SP100: variants seen among roughly 807,000 people sequenced by gnomAD.
SP100 encodes SP100 nuclear body protein.
Under a neutral mutation model 130.0 loss-of-function variants are expected in SP100, and 84 were observed. That is an observed-to-expected ratio of 0.65 (90% CI 0.54 to 0.77). The LOEUF (loss-of-function observed/expected upper bound fraction) is 0.77, where lower values mean the gene tolerates loss of function less well. SP100 is among the 30% of genes least tolerant of loss of function. The pLI is 0.00. For missense variants in SP100, 978 were observed against 1,052.2 expected (o/e 0.93, Z 0.97); for synonymous variants, 331 against 351.7 (o/e 0.94, Z 0.66).
intron 2 of SP100, among the ~76,000 whole-genome samples, chr2:230,439,550 TTTGTTG>T (rs147214851): frequency 1.1e-4 from 17 of 151,444 alleles, no homozygotes; most frequent in African/African-American, 2.9e-4. Flanking sequence ...TTTTTGGATT[TTTGTTG>T]TTGTTGTTGT....
At chr2:230,464,217 T>C (rs2064817636) in intron 11 of SP100, 67 bp downstream of exon 11, 3 of 982,170 alleles carry the variant, frequency 3.1e-6, no homozygotes, top group Middle Eastern at 2.1e-4. Flanking sequence ...AGCTCTGTTT[T>C]CTTGATTAAT....
At chr2:230,467,249 C>A in intron 13 of SP100, 34 bp downstream of exon 13, 6 of 1,424,638 alleles carry the variant, frequency 4.2e-6, no homozygotes, top group Non-Finnish European at 5.0e-6. Flanking sequence ...AGGGCTCTGA[C>A]TTCAGAGCAC....
In SP100 at chr2:230,444,355, A is replaced by G. The variant is rs576016792; in HGVS notation, c.439+9A>G. 4.8e-5 allele frequency: 77 copies of G among 1,605,862 alleles called. 2 individuals are homozygous for G. The South Asian group carries it at 8.4e-4, about 18-fold the overall frequency. On this transcript the variant is annotated intron_variant, in intron 4 of 28. Transcript: ENST00000340126. ...TAAAGGCTTTGAAAATGGTAATTAG[A>G]TTTATTATCTACCTTTTTATTTCCA... is the stretch of plus-strand genomic sequence containing the variant.
intron 24 of SP100, chr2:230,537,777 T>C (rs996940384): frequency 6.6e-6 from 1 of 152,246 alleles, no homozygotes; most frequent in African/African-American, 2.4e-5. Flanking sequence ...AAAGCTCCTC[T>C]GGTGTTTTGT....
At chr2:230,434,054 T>TAAGC (rs1254058591) in intron 2 of SP100, among the ~76,000 whole-genome samples, 2 of 151,762 alleles carry the variant, frequency 1.3e-5, no homozygotes, top group African/African-American at 2.4e-5. Context: ...AACTGTCCAC[T>TAAGC]AAGCCAGTGT....
intron 8 of SP100, among the ~76,000 whole-genome samples, chr2:230,451,636 C>G (rs760054046): frequency 4.6e-5 from 7 of 152,162 alleles, no homozygotes; most frequent in Non-Finnish European, 1.0e-4. Context: ...TATGCAGAAG[C>G]TTTTTAGTTT....
intron 15 of SP100, 106 bp downstream of exon 15, chr2:230,470,204 G>A (rs2065197467): frequency 7.0e-7 from 1 of 1,428,628 alleles, no homozygotes; most frequent in African/African-American, 1.5e-5. Context: ...TCACTACCTT[G>A]TATCCAGTTC....
At chr2:230,500,006 G>T (rs1442141935) in intron 19 of SP100, among the ~76,000 whole-genome samples, 1 of 152,104 alleles carries the variant, frequency 6.6e-6, no homozygotes, top group Non-Finnish European at 1.5e-5. Flanking sequence ...CTTGCCTTAG[G>T]ATATAGGAGT....
chr2:230,449,806 T>TTG, intron 7 of SP100, 96 bp downstream of exon 7: 2 of 1,281,416 alleles, frequency 1.6e-6, no homozygotes, highest in Non-Finnish European at 2.2e-6. Flanking sequence ...GAGACACCTG[T>TTG]TTAACAAGCA....
At chr2:230,510,928 A>G in intron 23 of SP100, 197 bp from the exon 24 acceptor site, 3 of 607,680 alleles carry the variant, frequency 4.9e-6, no homozygotes, top group South Asian at 2.0e-5. Flanking sequence ...TGGCACTTGC[A>G]TTGGGCCAAA....
chr2:230,423,909 ATTG>A (rs1294447011), intron 2 of SP100, among the ~76,000 whole-genome samples: 2 of 152,168 alleles, frequency 1.3e-5, no homozygotes, highest in Non-Finnish European at 2.9e-5. Flanking sequence ...GTGAGAGTCA[ATTG>A]TTGTTTCTTT....
chr2:230,437,498 G>A (rs1474945357), intron 2 of SP100, among the ~76,000 whole-genome samples: 1 of 151,974 alleles, frequency 6.6e-6, no homozygotes, highest in Admixed American at 6.6e-5. Context: ...GCTGAATATT[G>A]ATATATATTT....
intron 21 of SP100, among the ~76,000 whole-genome samples, chr2:230,505,367 G>A (rs569644763): frequency 8.5e-5 from 13 of 152,216 alleles, no homozygotes; most frequent in African/African-American, 1.7e-4. Flanking sequence ...TAACTTTCAC[G>A]CCCCATTTCC....
chr2:230,425,437 C>A (rs530423848), intron 2 of SP100, among the ~76,000 whole-genome samples: 2 of 152,258 alleles, frequency 1.3e-5, no homozygotes, highest in South Asian at 4.2e-4. Flanking sequence ...TTCATTTATA[C>A]CCAATTTGTT....
chr2:230,482,322 A>G (rs983833799), intron 17 of SP100, among the ~76,000 whole-genome samples: 1 of 152,174 alleles, frequency 6.6e-6, no homozygotes, highest in African/African-American at 2.4e-5. Flanking sequence ...GGGCAGCCTG[A>G]GGATCATTCA....
rs1197315417 is a variant in SP100, at chr2:230,469,069, A to G, written c.1318A>G (p.Thr440Ala). The change falls in exon 14 of 29, where the codon ACT (threonine) becomes GCT (alanine). Residue 440 changes from threonine to alanine, a missense_variant. Physicochemically the swap from Thr to Ala is moderately conservative, Grantham distance 58. Transcript: ENST00000340126. The stretch of plus-strand genomic sequence containing the variant: ...TCCTATGACTTCTAGAAGTACATCT[A>G]CTTGGAGAATACCCAGCAGGAAGAG... ...KAPMTSRSTS[T>A]WRIPSRKRRF... 6.3e-7 allele frequency: 1 copy of G among 1,598,964 alleles called. No homozygotes were observed. The highest frequency in any genetic ancestry group is 2.2e-5 in the East Asian group (1 of 44,772).
At chr2:230,448,985 G>C in intron 5 of SP100, 103 bp from the exon 6 acceptor site, 1 of 777,152 alleles carries the variant, frequency 1.3e-6, no homozygotes, top group Non-Finnish European at 2.3e-6. Flanking sequence ...GACCTAGAAG[G>C]GGTCTTTAAC....
rs753762414 is a variant in SP100 at position 230,506,332 on chromosome 2, G to C, written c.1900G>C (p.Asp634His). The C allele has an allele frequency of 1.9e-6, 3 of 1,613,902 alleles. No individual in the cohort carries two copies. Among genetic ancestry groups the C allele is most frequent in the Non-Finnish European group, 2.5e-6 (3 of 1,179,812 alleles). ...GTSKKCIQSEDKKWFTPREFE... is the reference protein window; with the variant it reads ...GTSKKCIQSEHKKWFTPREFE... ...CTCAAAGAAGTGTATACAGAGTGAG[G>C]ATAAAAAGTGGTTCACTCCCAGGGA... Residue 634 changes from aspartate (D) to histidine (H), a missense_variant, in exon 22 of 29, where the codon GAT becomes CAT. By Grantham distance (81) the Asp-to-His change is moderately conservative. Coordinates refer to ENST00000340126, the MANE Select transcript of SP100 (RefSeq NM_001080391.2).
intron 27 of SP100, 25 bp downstream of exon 27, chr2:230,541,397 C>T (rs1692169937): frequency 3.8e-6 from 6 of 1,580,560 alleles, no homozygotes; most frequent in Non-Finnish European, 5.2e-6. Flanking sequence ...AACAAAAATG[C>T]TTATACTGGC....
Sources: allele counts gnomAD v4.1 joint callset (sites outside exome capture counted in the v4.1 genomes callset), GRCh38; gene constraint gnomAD v4.1.1; transcripts MANE v1.5; gene names NCBI Gene and HGNC (gene_info 2026-07-23, HGNC 2026-07-21).